Variants in FERMT3 observed in about 807,000 individuals in gnomAD.
FERMT3 encodes FERM domain containing kindlin 3.
Under a neutral mutation model 80.8 loss-of-function variants are expected in FERMT3, and 33 were observed. That is an observed-to-expected ratio of 0.41 (90% CI 0.31 to 0.55). The LOEUF is 0.55. FERMT3 is among the 20% of genes least tolerant of loss of function. The pLI, the probability that FERMT3 is intolerant of heterozygous loss-of-function variation, is 0.31. For missense variants in FERMT3, 754 were observed against 908.7 expected (o/e 0.83, Z 2.19); for synonymous variants, 375 against 372.2 (o/e 1.01, Z -0.09).
In FERMT3 at chr11:64,220,019, A is replaced by G. The variant is rs1225603230; in HGVS notation, c.1204+4A>G. The G allele has an allele frequency of 6.2e-7, 1 of 1,613,482 alleles. No individual in the cohort carries two copies. Among genetic ancestry groups the G allele is most frequent in the African/African-American group, 1.3e-5 (1 of 75,038 alleles). ...ATTCAGCAGCTCAACCTCAAGGGTA[A>G]GTGCACAGGGCCAGGGGCTGGGTGG... On this transcript the variant is annotated splice_donor_region_variant and intron_variant, in intron 10 of 14. Coordinates refer to ENST00000345728, the MANE Select transcript of FERMT3 (RefSeq NM_031471.6).
In FERMT3 at chr11:64,208,656, G is replaced by A. The variant is rs575690361; in HGVS notation, c.160+1132G>A. On this transcript the variant is annotated intron_variant, in intron 2 of 14. Coordinates refer to ENST00000345728, the MANE Select transcript of FERMT3 (RefSeq NM_031471.6). Reference sequence around the variant, plus strand: ...CATGGGGGCCTGGAGCCAGAGGAGGGGGCTGCCCCGAGCCCAGGATGGGGA... The same window carrying A: ...CATGGGGGCCTGGAGCCAGAGGAGGAGGCTGCCCCGAGCCCAGGATGGGGA... Among the ~76,000 whole-genome samples the A allele has an allele frequency of 5.0e-4, 76 of 152,344 alleles. 3 individuals carry two copies. The South Asian group carries it at 0.015, about 30-fold the overall frequency.
chr11:64,209,271 G>A (rs1213515342), intron 2 of FERMT3, among the ~76,000 whole-genome samples: 2 of 152,204 alleles, frequency 1.3e-5, no homozygotes, highest in African/African-American at 2.4e-5. Flanking sequence ...TCAGCCACTC[G>A]GCCACAGGAA....
chr11:64,219,313 G>A lies in FERMT3; in HGVS notation c.849G>A (p.Glu283=). ...CCCGGTGGGACCTGCTGCTGGAGGA[G>A]ATTGACTGCACCGAGGAGGAGATGA... The part of the protein sequence containing the change: ...EQARWDLLLE[E]IDCTEEEMMV... Residue 283 remains glutamate (E), a synonymous_variant, in exon 7 of 15, where the codon GAG becomes GAA. Coordinates refer to ENST00000345728, the MANE Select transcript of FERMT3 (RefSeq NM_031471.6). This position sits in a 1 kb window ranked among gnomAD's most constrained non-coding sequence, Gnocchi z 4.0. 6.2e-7 allele frequency: 1 copy of A among 1,609,392 alleles called. No homozygotes were observed. The highest frequency in any genetic ancestry group is 2.2e-5 in the East Asian group (1 of 44,604).
chr11:64,221,232 T>A, intron 13 of FERMT3, 92 bp downstream of exon 13: 1 of 1,357,038 alleles, frequency 7.4e-7, no homozygotes, highest in Non-Finnish European at 1.0e-6. Flanking sequence ...GAGTAGGTTC[T>A]GGACAGGCAC....
intron 6 of FERMT3, among the ~76,000 whole-genome samples, chr11:64,215,812 C>T (rs899800679): frequency 8.7e-5 from 13 of 148,966 alleles, no homozygotes; most frequent in Admixed American, 4.0e-4. Flanking sequence ...CCTCCCGCTT[C>T]GGCTTCCTGA....
In FERMT3 at chr11:64,223,726, T is replaced by C; in HGVS notation, c.*234T>C. 1.3e-6 allele frequency: 1 copy of C among 755,576 alleles called. No homozygotes were observed. Among genetic ancestry groups the C allele is most frequent in the Non-Finnish European group, 2.1e-6 (1 of 470,028 alleles). 46.8% of individuals were successfully genotyped at this position (755,576 alleles called of 1,614,324 possible). ...GAGCTCATGTGGTGCCCCCTTTCCT[T>C]GTCTGAGTGGCTGAGGCTGATACCC... On this transcript the variant is annotated 3_prime_UTR_variant, in exon 15 of 15. Coordinates refer to ENST00000345728, the MANE Select transcript of FERMT3 (RefSeq NM_031471.6).
rs1946420709 is a variant in FERMT3 at position 64,210,886 on chromosome 11, C to A, written c.394+42C>A. On this transcript the variant is annotated intron_variant, in intron 3 of 14. Coordinates refer to ENST00000345728, the MANE Select transcript of FERMT3 (RefSeq NM_031471.6). This position sits in a 1 kb window ranked among gnomAD's most constrained non-coding sequence, Gnocchi z 4.3. ...ATTCCCCTGGCCCACGAGGGTGATG[C>A]AAAGAGGCAGGTTCCCCCGTTTCCA... 2 of 1,609,010 alleles carry A rather than the reference C, an allele frequency of 1.2e-6. No homozygotes were observed. The highest frequency in any genetic ancestry group is 1.7e-6 in the Non-Finnish European group (2 of 1,179,242).
At chr11:64,208,206 C>G (rs1443431284) in intron 2 of FERMT3, among the ~76,000 whole-genome samples, 3 of 152,206 alleles carry the variant, frequency 2.0e-5, no homozygotes, top group Non-Finnish European at 2.9e-5. Flanking sequence ...CCACCATGTG[C>G]AGCACAGGAG....
chr11:64,217,395 C>T (rs1774019224), intron 6 of FERMT3, among the ~76,000 whole-genome samples: 1 of 152,106 alleles, frequency 6.6e-6, no homozygotes, highest in Admixed American at 6.6e-5. Flanking sequence ...ACTAAAAATA[C>T]AAAAGTAGCT....
chr11:64,222,172 G>C (rs182393448), intron 13 of FERMT3, among the ~76,000 whole-genome samples: 134 of 151,616 alleles, frequency 8.8e-4, no homozygotes, highest in Admixed American at 4.7e-3. Context: ...TCGGGAGGTG[G>C]AGGTTGCAGT....
chr11:64,209,644 T>C (rs948180963), intron 2 of FERMT3, among the ~76,000 whole-genome samples: 1 of 152,074 alleles, frequency 6.6e-6, no homozygotes, highest in Non-Finnish European at 1.5e-5. Context: ...GGAGGGGAAG[T>C]GCCGGAGGAC....
chr11:64,210,569 A>C lies in FERMT3; in HGVS notation c.161-42A>C. The C allele has an allele frequency of 6.3e-7, 1 of 1,582,788 alleles. No homozygotes were observed. The highest frequency in any genetic ancestry group is 8.7e-7 in the Non-Finnish European group (1 of 1,152,116). Reference sequence around the variant, plus strand: ...GGTTGTGCTGGGTGTTGGGGGCACCAGGGAGGAAGGTTGGACCCAGATGTG... The same window carrying C: ...GGTTGTGCTGGGTGTTGGGGGCACCCGGGAGGAAGGTTGGACCCAGATGTG... On this transcript the variant is annotated intron_variant, in intron 2 of 14. Coordinates refer to ENST00000345728, the MANE Select transcript of FERMT3 (RefSeq NM_031471.6). The surrounding 1 kb of genome is among the most constrained non-coding windows in gnomAD (Gnocchi z 4.3).
chr11:64,219,343 G>A lies in FERMT3; in HGVS notation c.879G>A (p.Val293=). Residue 293 remains valine (V), a synonymous_variant, in exon 7 of 15, where the codon GTG becomes GTA. Coordinates refer to ENST00000345728, the MANE Select transcript of FERMT3 (RefSeq NM_031471.6). This position sits in a 1 kb window ranked among gnomAD's most constrained non-coding sequence, Gnocchi z 4.0. ...ACTGCACCGAGGAGGAGATGATGGT[G>A]TTTGCCGCCCTGCAGGTACCAGGCG... ...EIDCTEEEMM[V]FAALQYHINK... 6.2e-7 allele frequency: 1 copy of A among 1,602,972 alleles called. No individual in the cohort carries two copies. The highest frequency in any genetic ancestry group is 8.5e-7 in the Non-Finnish European group (1 of 1,175,116).
chr11:64,221,135 G>A lies in FERMT3; in HGVS notation c.1665G>A (p.Met555Ile). The A allele has an allele frequency of 6.2e-7, 1 of 1,608,752 alleles. No homozygotes were observed. The highest frequency in any genetic ancestry group is 8.5e-7 in the Non-Finnish European group (1 of 1,179,964). ...SLPDFGISYV[M>I]VRFKGSRKDE... is the part of the protein sequence containing the mutation. ...CCGACTTCGGCATCTCCTATGTCAT[G>A]GTCAGGTATGGCCCCTGGCCCAGCC... The change falls in exon 13 of 15, where the codon ATG becomes ATA. Residue 555 changes from methionine (M) to isoleucine (I), a missense_variant. By Grantham distance (10) the Met-to-Ile change is conservative. Coordinates refer to ENST00000345728, the MANE Select transcript of FERMT3 (RefSeq NM_031471.6).
chr11:64,219,610 G>A lies in FERMT3; in HGVS notation c.981G>A (p.Leu327=), dbSNP rs762262911. Reference sequence around the variant, plus strand: ...GGCTGGACGACCTGGATGTGGCCCTGAGCAACCTGGAGGTGAAGCTGGAGG... The same window carrying A: ...GGCTGGACGACCTGGATGTGGCCCTAAGCAACCTGGAGGTGAAGCTGGAGG... ...DPGLDDLDVA[L]SNLEVKLEGS... Residue 327 remains leucine, a synonymous_variant, in exon 8 of 15, where the codon CTG becomes CTA. Transcript: ENST00000345728. The surrounding 1 kb of genome is among the most constrained non-coding windows in gnomAD (Gnocchi z 4.0). The A allele has an allele frequency of 3.1e-6, 5 of 1,613,042 alleles. No homozygotes were observed. The South Asian group carries it at 5.5e-5, about 18-fold the overall frequency.
Position 64,223,165 on chromosome 11 carries a change from GA to G in FERMT3, c.1790del (p.Asn597MetfsTer173). 1 of 1,613,906 alleles carries G rather than the reference GA, an allele frequency of 6.2e-7. No homozygotes were observed. The highest frequency in any genetic ancestry group is 1.1e-5 in the South Asian group (1 of 91,092). On this transcript the variant is annotated frameshift_variant, in exon 14 of 15. Transcript: ENST00000345728. LOFTEE classifies it high-confidence loss of function. ...GGCGTTTCAGCAACATGCGCCAGTG[GA>G]ATGTCAACTGGGACATCCGGCAGGT... Reference protein sequence around the residue: ...TWRFSNMRQWNVNWDIRQVAI... With the variant: ...TWRFSNMRQWXVNWDIRQVAI...
Position 64,223,733 on chromosome 11 carries a change from G to A in FERMT3, c.*241G>A. ...TGTGGTGCCCCCTTTCCTTGTCTGA[G>A]TGGCTGAGGCTGATACCCCTGACCT... On this transcript the variant is annotated 3_prime_UTR_variant, in exon 15 of 15. Coordinates refer to ENST00000345728, the MANE Select transcript of FERMT3 (RefSeq NM_031471.6). The A allele has an allele frequency of 1.3e-6, 1 of 759,282 alleles. No individual in the cohort carries two copies. Among genetic ancestry groups the A allele is most frequent in the South Asian group, 1.8e-5 (1 of 55,024 alleles). 47.0% of individuals were successfully genotyped at this position (759,282 alleles called of 1,614,324 possible).
rs921890411 is a variant in FERMT3 at position 64,211,765 on chromosome 11, G to C, written c.786+18G>C. ...ATCCCAAGGTGGGTCGGGGCAGGGA[G>C]AAAGCGGGCCTCAGGTCCATGAGAT... On this transcript the variant is annotated intron_variant, in intron 6 of 14. Transcript: ENST00000345728. The surrounding 1 kb of genome is among the most constrained non-coding windows in gnomAD (Gnocchi z 4.7). The C allele has an allele frequency of 1.2e-6, 2 of 1,612,614 alleles. No homozygotes were observed. The highest frequency in any genetic ancestry group is 1.3e-5 in the African/African-American group (1 of 74,910).
chr11:64,219,245 C>A lies in FERMT3; in HGVS notation c.787-6C>A, dbSNP rs1375715930. On this transcript the variant is annotated splice_region_variant and splice_polypyrimidine_tract_variant and intron_variant, in intron 6 of 14. Coordinates refer to ENST00000345728, the MANE Select transcript of FERMT3 (RefSeq NM_031471.6). The surrounding 1 kb of genome is among the most constrained non-coding windows in gnomAD (Gnocchi z 4.0). ...CAGCCTCCAGCCTCCTCTCCCCCCG[C>A]TCCAGACAGACCCCGTGCGGCTGAC... 6.3e-7 allele frequency: 1 copy of A among 1,582,444 alleles called. No homozygotes were observed. The highest frequency in any genetic ancestry group is 2.3e-5 in the East Asian group (1 of 42,600).
Sources: gnomAD v4.1 joint callset for allele counts (sites outside exome capture counted in the v4.1 genomes callset) on GRCh38, gnomAD v4.1.1 for gene constraint, Gnocchi (gnomAD v3.1) non-coding constraint, MANE v1.5 for transcripts, NCBI Gene and HGNC (gene_info 2026-07-23, HGNC 2026-07-21) for gene names.